RNF150: variants seen among roughly 807,000 people sequenced by gnomAD.
RNF150 encodes ring finger protein 150.
Under a neutral mutation model 39.3 loss-of-function variants are expected in RNF150, and 24 were observed. The ratio of observed to expected loss-of-function variants is 0.61; its 90% CI spans 0.44 to 0.86. The LOEUF (loss-of-function observed/expected upper bound fraction) is 0.86, where lower values mean the gene tolerates loss of function less well. Among genes scored for constraint, RNF150 ranks in the 40% least tolerant of loss-of-function variants. RNF150 has a pLI of 0.00. For synonymous variants in RNF150, 255 were observed against 227.3 expected (o/e 1.12, Z -1.10); for missense variants, 502 against 587.8 (o/e 0.85, Z 1.51).
At chr4:140,967,508 T>G in intron 2 of RNF150, 115 bp downstream of exon 2, 1 of 745,872 alleles carries the variant, frequency 1.3e-6, no homozygotes, top group Non-Finnish European at 2.2e-6. Context: ...GTTAACAGTG[T>G]TTATCTTGAG....
intron 1 of RNF150, among the ~76,000 whole-genome samples, chr4:141,145,147 C>T (rs1002927876): frequency 4.6e-5 from 7 of 152,144 alleles, no homozygotes; most frequent in African/African-American, 1.7e-4. Flanking sequence ...ACTTCAATTC[C>T]CAAACTAGTC....
In RNF150 at chr4:141,132,262, G is replaced by A. The variant is rs1726913541; in HGVS notation, c.484+63C>T. On this transcript the variant is annotated intron_variant, in intron 1 of 6. Coordinates refer to ENST00000515673, the MANE Select transcript of RNF150 (RefSeq NM_020724.2). The surrounding 1 kb of genome is among the most constrained non-coding windows in gnomAD (Gnocchi z 4.9). ...CAGAAGGAGCCTGGAGGCAGGCGCT[G>A]GATCCCTCTAGGCACCTCCGTCCCC... is the stretch of plus-strand genomic sequence containing the variant. 1 of 1,514,368 alleles carries A rather than the reference G, an allele frequency of 6.6e-7. No individual in the cohort carries two copies. The highest frequency in any genetic ancestry group is 1.2e-5 in the South Asian group (1 of 82,062). The allele number at this position is 1,514,368 out of a possible 1,614,324, so 93.8% of individuals were successfully genotyped here. A position where few individuals can be genotyped will look rare whatever the true frequency, so the allele number is the denominator to read the frequency against.
intron 1 of RNF150, among the ~76,000 whole-genome samples, chr4:140,992,868 C>T (rs1734244681): frequency 6.6e-6 from 1 of 152,068 alleles, no homozygotes; most frequent in Non-Finnish European, 1.5e-5. Flanking sequence ...AAGAGGGCAA[C>T]TGAGGTCTAA....
At chr4:141,044,997 T>C (rs1578664921) in intron 1 of RNF150, among the ~76,000 whole-genome samples, 1 of 152,216 alleles carries the variant, frequency 6.6e-6, no homozygotes, top group Non-Finnish European at 1.5e-5. Flanking sequence ...TTACAAGCAT[T>C]ATGTCTTTTA....
rs1309783324 is a variant in RNF150 at position 141,037,950 on chromosome 4, A to G, written c.485-70077T>C. Among the ~76,000 whole-genome samples, 3 of 152,236 alleles carry G rather than the reference A, an allele frequency of 2.0e-5. No homozygotes were observed. In the East Asian group the frequency reaches 5.8e-4, roughly 29 times the overall value. ...AAACAGCTAACATGCAATCATATAC[A>G]CTAACATGTTAAAATATATATGATT... On this transcript the variant is annotated intron_variant, in intron 1 of 6. Coordinates refer to ENST00000515673, the MANE Select transcript of RNF150 (RefSeq NM_020724.2).
intron 1 of RNF150, among the ~76,000 whole-genome samples, chr4:141,208,057 C>T (rs145204332): frequency 6.6e-6 from 1 of 152,362 alleles, no homozygotes; most frequent in East Asian, 1.9e-4. Flanking sequence ...CTGATGATCT[C>T]AGTTATCTGT....
chr4:141,072,201 C>A (rs1737732366), intron 1 of RNF150, among the ~76,000 whole-genome samples: 1 of 152,186 alleles, frequency 6.6e-6, no homozygotes, highest in Non-Finnish European at 1.5e-5. Flanking sequence ...AGAACTATTG[C>A]AACAGGTTAA....
chr4:140,993,151 A>G (rs1734254537), intron 1 of RNF150, among the ~76,000 whole-genome samples: 1 of 152,316 alleles, frequency 6.6e-6, no homozygotes, highest in African/African-American at 2.4e-5. Context: ...TTTAGAGATC[A>G]GAAACATGAA....
chr4:140,900,958 T>C (rs1322930889), intron 6 of RNF150, among the ~76,000 whole-genome samples: 2 of 152,156 alleles, frequency 1.3e-5, no homozygotes, highest in African/African-American at 4.8e-5. Context: ...AGTAAGTAAG[T>C]GGCCAGACCA....
chr4:140,997,086 T>C (rs1734401704), intron 1 of RNF150: 1 of 152,166 alleles, frequency 6.6e-6, no homozygotes, highest in Non-Finnish European at 1.5e-5. Flanking sequence ...AGTAGAAAAA[T>C]ACCTCTTGAC....
chr4:141,078,977 CT>C (rs2110973557), intron 1 of RNF150, among the ~76,000 whole-genome samples: 1 of 150,836 alleles, frequency 6.6e-6, no homozygotes, highest in Admixed American at 6.6e-5. Context: ...ATAAGAAAGC[CT>C]TTTTCCACTT....
At chr4:141,138,046 G>A (rs1029819135), upstream of RNF150, among the ~76,000 whole-genome samples, 6 of 152,174 alleles carry the variant, frequency 3.9e-5, no homozygotes, top group African/African-American at 1.4e-4. Context: ...CCATTTCTCT[G>A]AGTGTCAGCA....
At chr4:141,112,416 G>C (rs1050818176) in intron 1 of RNF150, among the ~76,000 whole-genome samples, 1 of 152,116 alleles carries the variant, frequency 6.6e-6, no homozygotes, top group Non-Finnish European at 1.5e-5. Flanking sequence ...TGTAATGCAG[G>C]CCTAGTGGTG....
chr4:141,142,810 CTCTTA>C (rs966964784), intron 1 of RNF150, among the ~76,000 whole-genome samples: 2 of 151,832 alleles, frequency 1.3e-5, no homozygotes, highest in Non-Finnish European at 2.9e-5. Context: ...TTGCTGTGGT[CTCTTA>C]TCTTCATTTT....
Position 140,919,300 on chromosome 4 carries a change from C to T in RNF150, c.987+6677G>A, listed in dbSNP as rs1270647002. ...ATCTAGAAAACCCCACTGTCTCAGCCCAAAATCTCCTTAAGCTGATAAGCA... is the reference window on the plus strand; with the variant it reads ...ATCTAGAAAACCCCACTGTCTCAGCTCAAAATCTCCTTAAGCTGATAAGCA... On this transcript the variant is annotated intron_variant, in intron 5 of 6. Coordinates refer to ENST00000515673, the MANE Select transcript of RNF150 (RefSeq NM_020724.2). 3.5e-5 allele frequency among the ~76,000 whole-genome samples: 5 copies of T among 143,574 alleles called. No homozygotes were observed. In the Admixed American group the frequency reaches 3.6e-4, roughly 10 times the overall value. 94.2% of individuals were successfully genotyped at this position (143,574 alleles called of 152,430 possible). A position where few individuals can be genotyped will look rare whatever the true frequency, so the allele number is the denominator to read the frequency against.
chr4:140,881,158 C>T (rs906928866), intron 6 of RNF150, among the ~76,000 whole-genome samples: 17 of 149,602 alleles, frequency 1.1e-4, no homozygotes, highest in African/African-American at 3.9e-4. Context: ...TATAAACTTT[C>T]CTTTGTACTT....
chr4:140,978,806 T>C (rs955419111), intron 1 of RNF150, among the ~76,000 whole-genome samples: 67 of 152,152 alleles, frequency 4.4e-4, no homozygotes, highest in African/African-American at 1.6e-3. Flanking sequence ...GCTAGTTCTG[T>C]GAGCATTTCA....
At chr4:140,980,574 T>C (rs1265168205) in intron 1 of RNF150, among the ~76,000 whole-genome samples, 1 of 152,064 alleles carries the variant, frequency 6.6e-6, no homozygotes, top group Non-Finnish European at 1.5e-5. Context: ...TGGGAGGAGC[T>C]GGGTGGGAGG....
At chr4:141,148,415 T>C (rs1727237840) in intron 1 of RNF150, among the ~76,000 whole-genome samples, 1 of 152,212 alleles carries the variant, frequency 6.6e-6, no homozygotes, top group African/African-American at 2.4e-5. Flanking sequence ...TAACTGCCCC[T>C]GGACAACAGC....
Sources: allele counts gnomAD v4.1 joint callset (sites outside exome capture counted in the v4.1 genomes callset), GRCh38; gene constraint gnomAD v4.1.1; non-coding constraint Gnocchi (gnomAD v3.1); transcripts MANE v1.5; gene names NCBI Gene and HGNC (gene_info 2026-07-23, HGNC 2026-07-21).